ISYNA1: variants seen among roughly 807,000 people sequenced by gnomAD.
The protein encoded by ISYNA1 is inositol-3-phosphate synthase 1.
A neutral mutation model predicts 50.3 loss-of-function variants in ISYNA1; 34 were observed. The observed-to-expected ratio is 0.68, with a 90% CI of 0.51 to 0.90. ISYNA1 has a LOEUF of 0.90. ISYNA1 is among the 40% of genes least tolerant of loss of function. The pLI is 0.00. For missense variants in ISYNA1, 718 were observed against 784.8 expected, an observed-to-expected ratio of 0.91 and a Z score of 1.02; for synonymous variants, 396 against 349.9, an observed-to-expected ratio of 1.13 and a Z score of -1.47.
rs1202269370 is a variant in ISYNA1 at position 18,435,028 on chromosome 19, A to G, written c.1562T>C (p.Val521Ala). 6.2e-7 allele frequency: 1 copy of G among 1,613,610 alleles called. No individual in the cohort carries two copies. Among genetic ancestry groups the G allele is most frequent in the Admixed American group, 1.7e-5 (1 of 60,024 alleles). The change falls in exon 11 of 11, where the codon GTG (valine) becomes GCG (alanine). Residue 521 changes from valine to alanine, a missense_variant. This residue lies in a region of ISYNA1 where 305 missense variants were observed against 292.6 expected (regional missense o/e 1.04). Coordinates refer to ENST00000338128, the MANE Select transcript of ISYNA1 (RefSeq NM_016368.5). ...PGPSLKRVGPVAATYPMLNKK... is the reference protein window; with the variant it reads ...PGPSLKRVGPAAATYPMLNKK... Reference sequence around the variant, plus strand: ...GTTCAACATAGGGTAGGTGGCAGCCACGGGTCCAACTCGCTTGAGGCTGGG... The same window carrying G: ...GTTCAACATAGGGTAGGTGGCAGCCGCGGGTCCAACTCGCTTGAGGCTGGG...
rs762430037 is a variant in ISYNA1, at chr19:18,435,468, C to T, written c.1270G>A (p.Ala424Thr). The T allele has an allele frequency of 2.5e-6, 4 of 1,608,426 alleles. No individual in the cohort carries two copies. In the Admixed American group the frequency reaches 5.0e-5, roughly 20 times the overall value. ...HNTCEDSLLA[A>T]PIMLDLALLT... ...AGCGCTAGGTCCAGCATGATGGGTG[C>T]GGCCAGCAGCGAGTCCTGCGGGGCG... Residue 424 changes from alanine to threonine, a missense_variant, in exon 10 of 11, where the codon GCA (alanine) becomes ACA (threonine). Ala to Thr is a moderately conservative substitution (Grantham distance 58, BLOSUM62 0). Around this residue, in one of 3 missense-constraint regions of ISYNA1, gnomAD observed 305 missense variants for 292.6 expected, o/e 1.04. Transcript: ENST00000338128.
chr19:18,436,194 C>T lies in ISYNA1; in HGVS notation c.813G>A (p.Glu271=), dbSNP rs765710672. ...GAGACCCATTGAGGAAGGCACAGCC[C>T]TCCAGGATGCTGGCCACGGCGAAGA... The part of the protein sequence containing the change: ...STLFAVASIL[E]GCAFLNGSPQ... Residue 271 remains glutamate, a synonymous_variant, in exon 7 of 11, where the codon GAG becomes GAA. Transcript: ENST00000338128. The T allele has an allele frequency of 1.4e-4, 227 of 1,611,270 alleles. 3 individuals are homozygous for T. The Middle Eastern group carries it at 2.0e-3, about 14-fold the overall frequency.
At chr19:18,435,723 G>C (rs757886478) in intron 8 of ISYNA1, 34 bp downstream of exon 8, 1 of 1,609,730 alleles carries the variant, frequency 6.2e-7, no homozygotes, top group African/African-American at 1.3e-5. Context: ...CCCCTCGCCG[G>C]GCAACCCCGC....
At position 18,437,921 on chromosome 19, in the gene ISYNA1, G is replaced by C. The variant is rs1974132326; in HGVS notation, c.59C>G (p.Ala20Gly). ...CCGGTACTCGTATTGCGCCTCGATGGCCTCGGGGCCGTAGACCACGTCCGG... is the reference window on the plus strand; with the variant it reads ...CCGGTACTCGTATTGCGCCTCGATGCCCTCGGGGCCGTAGACCACGTCCGG... ...ESPDVVYGPE[A>G]IEAQYEYRTT... The change falls in exon 2 of 11, where the codon GCC becomes GGC. Residue 20 changes from alanine (A) to glycine (G), a missense_variant. Physicochemically the swap from Ala to Gly is moderately conservative, Grantham distance 60. Transcript: ENST00000338128. The C allele has an allele frequency of 1.2e-6, 2 of 1,610,844 alleles. No individual in the cohort carries two copies. The highest frequency in any genetic ancestry group is 8.5e-7 in the Non-Finnish European group (1 of 1,179,444).
chr19:18,436,519 GGT>G, intron 5 of ISYNA1, 40 bp from the exon 6 acceptor site: 1 of 1,601,246 alleles, frequency 6.2e-7, no homozygotes, highest in Non-Finnish European at 8.5e-7. Context: ...GGATGGAGAG[GGT>G]GTAGGGAAGT....
chr19:18,437,074 G>A lies in ISYNA1; in HGVS notation c.314C>T (p.Ala105Val), dbSNP rs775940285. The A allele has an allele frequency of 1.9e-6, 3 of 1,575,588 alleles. No homozygotes were observed. The highest frequency in any genetic ancestry group is 2.6e-6 in the Non-Finnish European group (3 of 1,164,700). Reference protein sequence around the residue: ...EANYYGSLTQAGTVSLGLDAE... With the variant: ...EANYYGSLTQVGTVSLGLDAE... ...GTCCAGGCCCAGGCTCACGGTGCCC[G>A]CCTGAGTCAGCGAGCCGTAGTAGTT... Residue 105 changes from alanine to valine, a missense_variant, in exon 4 of 11, where the codon GCG becomes GTG. Around this residue, in one of 3 missense-constraint regions of ISYNA1, gnomAD observed 403 missense variants for 466.6 expected, o/e 0.86. Coordinates refer to ENST00000338128, the MANE Select transcript of ISYNA1 (RefSeq NM_016368.5).
rs201345070 is a variant in ISYNA1 at position 18,434,890 on chromosome 19, C to T, written c.*23G>A. ...GTGGGGGGCAGCGGGGAGGAAGAGC[C>T]GAGAAACTGTGTGACCGGGGCCTCA... is the stretch of plus-strand genomic sequence containing the variant. On this transcript the variant is annotated 3_prime_UTR_variant, in exon 11 of 11. Transcript: ENST00000338128. 3,227 of 1,604,484 alleles carry T rather than the reference C, an allele frequency of 2.0e-3. 9 individuals are homozygous for T. The highest frequency in any genetic ancestry group is 2.2e-3 in the Non-Finnish European group (2,607 of 1,173,746).
Position 18,437,672 on chromosome 19 carries a change from T to C in ISYNA1, c.209A>G (p.Asn70Ser), listed in dbSNP as rs1465341076. ...GVMLVGWGGN[N>S]GSTLTAAVLA... ...CACCGCGGCGGTGAGTGTGGAGCCG[T>C]TGTTCCCGCCCCAGCCGACAAGCAT... The change falls in exon 3 of 11, where the codon AAC becomes AGC. Residue 70 changes from asparagine to serine, a missense_variant. By Grantham distance (46) the Asn-to-Ser change is conservative. Around this residue, in one of 3 missense-constraint regions of ISYNA1, gnomAD observed 403 missense variants for 466.6 expected, o/e 0.86. Transcript: ENST00000338128. The C allele has an allele frequency of 6.5e-7, 1 of 1,542,320 alleles. No homozygotes were observed. Among genetic ancestry groups the C allele is most frequent in the African/African-American group, 1.4e-5 (1 of 72,792 alleles).
rs758582141 is a variant in ISYNA1 at position 18,436,022 on chromosome 19, G to A, written c.975+10C>T. 2.5e-6 allele frequency: 4 copies of A among 1,613,198 alleles called. No homozygotes were observed. The African/African-American group carries it at 5.3e-5, about 22-fold the overall frequency. On this transcript the variant is annotated intron_variant, in intron 7 of 10. Transcript: ENST00000338128. ...CTTCCTGCACTCGGCAGCTCCCTAG[G>A]CCCACGCACCTTGAGGCCGGAGCCA...
Position 18,436,749 on chromosome 19 carries a change from C to G in ISYNA1, c.544G>C (p.Glu182Gln). The G allele has an allele frequency of 1.3e-6, 2 of 1,572,564 alleles. No homozygotes were observed. Among genetic ancestry groups the G allele is most frequent in the Non-Finnish European group, 1.7e-6 (2 of 1,162,440 alleles). ...GCGCTCTGGTTGGCCGCGATGAATT[C>G]GGGGATGTAAACAGAAGGCCGGGGC... ...LRPRPSVYIP[E>Q]FIAANQSARA... The change falls in exon 5 of 11, where the codon GAA becomes CAA. Residue 182 changes from glutamate (E) to glutamine (Q), a missense_variant. By Grantham distance (29) the Glu-to-Gln change is conservative (BLOSUM62 2). Around this residue, in one of 3 missense-constraint regions of ISYNA1, gnomAD observed 403 missense variants for 466.6 expected, o/e 0.86. Coordinates refer to ENST00000338128, the MANE Select transcript of ISYNA1 (RefSeq NM_016368.5).
In ISYNA1 at chr19:18,435,227, A is replaced by G. The variant is rs753314991; in HGVS notation, c.1472+39T>C. ...CTGTGCATAGCTTAGCCAGGGGGGT[A>G]TCTGGGCCCCGGGCGGGAACCTGGA... is the stretch of plus-strand genomic sequence containing the variant. On this transcript the variant is annotated intron_variant, in intron 10 of 10. Coordinates refer to ENST00000338128, the MANE Select transcript of ISYNA1 (RefSeq NM_016368.5). 3.8e-5 allele frequency: 60 copies of G among 1,593,330 alleles called. No individual in the cohort carries two copies. In the East Asian group the frequency reaches 6.9e-4, roughly 18 times the overall value.
rs557048057 is a variant in ISYNA1 at position 18,436,421 on chromosome 19, A to G, written c.668T>C (p.Val223Ala). ...CGTGTTCGCCGTCCACAGCACTATGACTTTGTCCAGCCCCGCGCTAGACCG... is the reference window on the plus strand; with the variant it reads ...CGTGTTCGCCGTCCACAGCACTATGGCTTTGTCCAGCCCCGCGCTAGACCG... ...DFRSSAGLDK[V>A]IVLWTANTER... is the part of the protein sequence containing the mutation. The change falls in exon 6 of 11, where the codon GTC becomes GCC. Residue 223 changes from valine to alanine, a missense_variant. Transcript: ENST00000338128. 2 of 1,610,768 alleles carry G rather than the reference A, an allele frequency of 1.2e-6. No individual in the cohort carries two copies. Among genetic ancestry groups the G allele is most frequent in the Non-Finnish European group, 1.7e-6 (2 of 1,179,816 alleles).
At position 18,436,798 on chromosome 19, in the gene ISYNA1, C is replaced by T. The variant is rs1430592214; in HGVS notation, c.495G>A (p.Leu165=). ...GCCGCAGGGCCTCCATGTGCGGCCA[C>T]AGTTGCTCCTGCAGCCCCCAGTCCA... ...KVLDWGLQEQ[L]WPHMEALRPR... is the part of the protein sequence containing the mutation. The change falls in exon 5 of 11, where the codon CTG becomes CTA. Residue 165 remains leucine (L), a synonymous_variant. Transcript: ENST00000338128. The T allele has an allele frequency of 1.9e-6, 3 of 1,583,604 alleles. No homozygotes were observed. The highest frequency in any genetic ancestry group is 2.6e-6 in the Non-Finnish European group (3 of 1,168,724).
Position 18,435,266 on chromosome 19 carries a change from C to T in ISYNA1, c.1472G>A (p.Arg491Lys), listed in dbSNP as rs781284111. 6.2e-7 allele frequency: 1 copy of T among 1,604,960 alleles called. No homozygotes were observed. Among genetic ancestry groups the T allele is most frequent in the South Asian group, 1.1e-5 (1 of 91,030 alleles). ...RQRSCIENILRACVGLPPQNH... is the reference protein window; with the variant it reads ...RQRSCIENILKACVGLPPQNH... Reference sequence around the variant, plus strand: ...CGGGAACCTGGAGGCTGGGGTGCACCTGAGGATGTTCTCGATGCAGCTGCG... The same window carrying T: ...CGGGAACCTGGAGGCTGGGGTGCACTTGAGGATGTTCTCGATGCAGCTGCG... Residue 491 changes from arginine (R) to lysine (K), a missense_variant and splice_region_variant, in exon 10 of 11, where the codon AGG becomes AAG. Transcript: ENST00000338128.
Position 18,437,636 on chromosome 19 carries a change from C to A in ISYNA1, c.245G>T (p.Arg82Leu). The change falls in exon 3 of 11, where the codon CGA becomes CTA. Residue 82 changes from arginine to leucine, a missense_variant. Around this residue, in one of 3 missense-constraint regions of ISYNA1, gnomAD observed 403 missense variants for 466.6 expected, o/e 0.86. Coordinates refer to ENST00000338128, the MANE Select transcript of ISYNA1 (RefSeq NM_016368.5). ...STLTAAVLANRLRLSWPTRSG... is the reference protein window; with the variant it reads ...STLTAAVLANLLRLSWPTRSG... Reference sequence around the variant, plus strand: ...GCGCGTGGGCCAGGACAAACGCAGTCGATTGGCCAGCACCGCGGCGGTGAG... The same window carrying A: ...GCGCGTGGGCCAGGACAAACGCAGTAGATTGGCCAGCACCGCGGCGGTGAG... The A allele has an allele frequency of 6.5e-7, 1 of 1,537,234 alleles. No individual in the cohort carries two copies. Among genetic ancestry groups the A allele is most frequent in the Non-Finnish European group, 8.7e-7 (1 of 1,145,604 alleles).
At position 18,435,585 on chromosome 19, in the gene ISYNA1, AGT is replaced by A. The variant is rs1973963439; in HGVS notation, c.1230_1231del (p.Leu411GlyfsTer7). ...CACCTCACACGTGTTGTGCAGCACC[AGT>A]GTGTTGGTTCCGCCCAGCATCAGCT... On this transcript the variant is annotated frameshift_variant, in exon 9 of 11. Transcript: ENST00000338128. LOFTEE classifies it high-confidence loss of function. The A allele has an allele frequency of 1.2e-6, 2 of 1,608,976 alleles. No individual in the cohort carries two copies. Among genetic ancestry groups the A allele is most frequent in the South Asian group, 1.1e-5 (1 of 90,394 alleles).
rs1568365403 is a variant in ISYNA1, at chr19:18,436,046, C to CA, written c.960dup (p.Gly321TrpfsTer32). On this transcript the variant is annotated frameshift_variant, in exon 7 of 11. Transcript: ENST00000338128. LOFTEE classifies it high-confidence loss of function. ...GGCCCACGCACCTTGAGGCCGGAGC[C>CA]AATGAGGAAGTCCACAAGCACGGAC... The CA allele has an allele frequency of 6.2e-7, 1 of 1,613,416 alleles. No individual in the cohort carries two copies. Among genetic ancestry groups the CA allele is most frequent in the Admixed American group, 1.7e-5 (1 of 60,022 alleles).
chr19:18,436,592 T>G (rs1212924730), intron 5 of ISYNA1, 92 bp downstream of exon 5: 2 of 1,599,318 alleles, frequency 1.3e-6, no homozygotes. Context: ...GGGTGTCAAG[T>G]GAGGCCTGGA....
rs750947078 is a variant in ISYNA1 at position 18,435,805 on chromosome 19, C to T, written c.1092G>A (p.Val364=). Residue 364 remains valine (V), a synonymous_variant, in exon 8 of 11, where the codon GTG becomes GTA. Transcript: ENST00000338128. ...GCGTATAGAGCACTGGGTTGCTCTG[C>T]ACCATGTCGTCCACCACGTTGCTCT... is the stretch of plus-strand genomic sequence containing the variant. ...VSKSNVVDDM[V]QSNPVLYTPG... is the part of the protein sequence containing the mutation. 5.6e-6 allele frequency: 9 copies of T among 1,613,834 alleles called. No individual in the cohort carries two copies. The highest frequency in any genetic ancestry group is 7.6e-6 in the Non-Finnish European group (9 of 1,179,942).
Sources: allele counts gnomAD v4.1 joint callset, GRCh38; gene constraint gnomAD v4.1.1; regional missense constraint gnomAD v4.1.1; transcripts MANE v1.5; gene names NCBI Gene and HGNC (gene_info 2026-07-23, HGNC 2026-07-21).